The following KHDRBS2 variants were observed in gnomAD, a reference collection of about 807,000 sequenced individuals.
KHDRBS2 encodes the protein KH RNA binding domain containing, signal transduction associated 2, also known as KH domain-containing, RNA-binding, signal transduction-associated protein 2.
In KHDRBS2, 26 loss-of-function variants were observed where a neutral mutation model predicts 44.3. That is an observed-to-expected ratio of 0.59 (90% CI 0.43 to 0.81). KHDRBS2 has a LOEUF of 0.81. Among genes scored for constraint, KHDRBS2 ranks in the 40% least tolerant of loss-of-function variants. The pLI is 0.00. For missense variants in KHDRBS2, 476 were observed against 433.1 expected (o/e 1.10, Z -0.88); for synonymous variants, 194 against 151.1 (o/e 1.28, Z -2.08).
chr6:62,072,960 C>T lies in KHDRBS2; in HGVS notation c.220-24966G>A, dbSNP rs191272528. On this transcript the variant is annotated intron_variant, in intron 2 of 8. Coordinates refer to ENST00000281156, the MANE Select transcript of KHDRBS2 (RefSeq NM_152688.4). The stretch of plus-strand genomic sequence containing the variant: ...CCTCTGGTAGAATTCAGCTGTGAAT[C>T]CATCTGGTCCTGGACTTTTTTTGGT... Among the ~76,000 whole-genome samples, 1,146 of 152,106 alleles carry T rather than the reference C, an allele frequency of 7.5e-3. 7 individuals carry two copies. The highest frequency in any genetic ancestry group is 0.02 in the Middle Eastern group (6 of 294).
chr6:61,852,550 G>A (rs1325373189), intron 6 of KHDRBS2, among the ~76,000 whole-genome samples: 2 of 147,094 alleles, frequency 1.4e-5, no homozygotes, highest in South Asian at 2.1e-4. Flanking sequence ...GTGACAGAGC[G>A]AGACTCCGTC....
chr6:61,618,532 A>G, the KHDRBS2 span, among the ~76,000 whole-genome samples: 1 of 152,188 alleles, frequency 6.6e-6, no homozygotes, highest in East Asian at 1.9e-4. Flanking sequence ...TAATTGTGTC[A>G]TGGGGGTTCG....
chr6:62,254,840 G>A (rs576088196), intron 1 of KHDRBS2, among the ~76,000 whole-genome samples: 29 of 152,108 alleles, frequency 1.9e-4, no homozygotes, highest in African/African-American at 6.7e-4. Flanking sequence ...CTGAAGGAAT[G>A]GATTACGGAG....
At position 62,025,680 on chromosome 6, in the gene KHDRBS2, C is replaced by T. The variant is rs573552654; in HGVS notation, c.336+22198G>A. Among the ~76,000 whole-genome samples, 7 of 151,874 alleles carry T rather than the reference C, an allele frequency of 4.6e-5. No homozygotes were observed. In the South Asian group the frequency reaches 1.2e-3, roughly 27 times the overall value. ...AGTATCAGGGTTGAAATTTGGTGCA[C>T]GCACTGTGGTTGGTTTATAAGTTTC... On this transcript the variant is annotated intron_variant, in intron 3 of 8. Transcript: ENST00000281156.
intron 4 of KHDRBS2, among the ~76,000 whole-genome samples, chr6:61,973,672 T>C (rs891862680): frequency 7.9e-5 from 12 of 152,156 alleles, no homozygotes; most frequent in Admixed American, 5.9e-4. Context: ...TAGTAACAGT[T>C]ACACACATAC....
the KHDRBS2 span, among the ~76,000 whole-genome samples, chr6:61,555,606 C>A: frequency 1.1e-4 from 16 of 152,286 alleles, no homozygotes; most frequent in African/African-American, 3.4e-4. Context: ...TGCCAGAGTT[C>A]TTGCACTGAT....
chr6:61,570,800 C>A, the KHDRBS2 span, among the ~76,000 whole-genome samples: 1 of 152,090 alleles, frequency 6.6e-6, no homozygotes, highest in Non-Finnish European at 1.5e-5. Context: ...TCCGCCAAGA[C>A]TTTTGTATCC....
At chr6:62,181,349 C>G (rs1018260793) in intron 1 of KHDRBS2, among the ~76,000 whole-genome samples, 1 of 151,824 alleles carries the variant, frequency 6.6e-6, no homozygotes, top group Non-Finnish European at 1.5e-5. Context: ...AACTTAATAG[C>G]AAGAAACCAA....
intron 3 of KHDRBS2, among the ~76,000 whole-genome samples, chr6:62,026,013 G>A (rs1230266939): frequency 6.6e-6 from 1 of 151,904 alleles, no homozygotes; most frequent in Non-Finnish European, 1.5e-5. Flanking sequence ...TCATTTAAAT[G>A]GATTATTATT....
At position 62,085,188 on chromosome 6, in the gene KHDRBS2, C is replaced by T. The variant is rs1798163809; in HGVS notation, c.220-37194G>A. On this transcript the variant is annotated intron_variant, in intron 2 of 8. Transcript: ENST00000281156. ...TATTAGGATGCTTAAGAAATATTTA[C>T]ATTATTTATTTGAGACACAAAACAT... is the stretch of plus-strand genomic sequence containing the variant. 4.6e-5 allele frequency among the ~76,000 whole-genome samples: 7 copies of T among 152,136 alleles called. No individual in the cohort carries two copies. The South Asian group carries it at 1.5e-3, about 32-fold the overall frequency.
chr6:61,627,252 C>CAAAA, the KHDRBS2 span, among the ~76,000 whole-genome samples: 7 of 76,114 alleles, frequency 9.2e-5, no homozygotes, highest in East Asian at 4.1e-4. Flanking sequence ...GACTCCGTCT[C>CAAAA]AAAAAAAAAA....
At chr6:62,083,187 C>T (rs1358707333) in intron 2 of KHDRBS2, among the ~76,000 whole-genome samples, 1 of 151,516 alleles carries the variant, frequency 6.6e-6, no homozygotes, top group Non-Finnish European at 1.5e-5. Flanking sequence ...GGCAGAGCAT[C>T]ACAGCAGAGA....
At chr6:61,563,465 T>C in the KHDRBS2 span, among the ~76,000 whole-genome samples, 1 of 152,148 alleles carries the variant, frequency 6.6e-6, no homozygotes, top group African/African-American at 2.4e-5. Flanking sequence ...ATTTCTGTTT[T>C]AAGAGGTAAA....
chr6:61,596,847 T>A, the KHDRBS2 span, among the ~76,000 whole-genome samples: 1 of 152,002 alleles, frequency 6.6e-6, no homozygotes, highest in Non-Finnish European at 1.5e-5. Context: ...AGACGGAGTT[T>A]CCCCATGTTG....
At chr6:62,185,881 C>A (rs147090988) in intron 1 of KHDRBS2, among the ~76,000 whole-genome samples, 245 of 152,066 alleles carry the variant, frequency 1.6e-3, no homozygotes, top group Non-Finnish European at 2.8e-3. Flanking sequence ...CTCCTACCAC[C>A]TAATTCGTAT....
the KHDRBS2 span, among the ~76,000 whole-genome samples, chr6:61,590,023 T>C: frequency 1.3e-5 from 2 of 152,230 alleles, no homozygotes; most frequent in Non-Finnish European, 1.5e-5. Flanking sequence ...GTGTTATGTA[T>C]CCAAGAGGCA....
intron 3 of KHDRBS2, among the ~76,000 whole-genome samples, chr6:62,046,086 T>A (rs1033824057): frequency 6.6e-6 from 1 of 151,838 alleles, no homozygotes; most frequent in African/African-American, 2.4e-5. Context: ...ACTCAAATCA[T>A]AGTCAAACAT....
chr6:61,894,102 G>A (rs376723889), intron 6 of KHDRBS2, among the ~76,000 whole-genome samples: 36 of 151,930 alleles, frequency 2.4e-4, no homozygotes, highest in African/African-American at 8.5e-4. Context: ...GGAAGGGAGG[G>A]GGATGCTTGG....
chr6:61,994,219 A>G (rs2127252162), intron 3 of KHDRBS2, among the ~76,000 whole-genome samples: 1 of 152,288 alleles, frequency 6.6e-6, no homozygotes, highest in Admixed American at 6.5e-5. Flanking sequence ...GATTTCTGCA[A>G]GGAGGCGTAA....
Sources: gnomAD v4.1 joint callset for allele counts (sites outside exome capture counted in the v4.1 genomes callset) on GRCh38, gnomAD v4.1.1 for gene constraint, MANE v1.5 for transcripts, NCBI Gene and HGNC (gene_info 2026-07-23, HGNC 2026-07-21) for gene names.